DPP4: variants seen among roughly 807,000 people sequenced by gnomAD.
DPP4 encodes the protein dipeptidyl peptidase 4.
A neutral mutation model predicts 122.4 loss-of-function variants in DPP4; 93 were observed. That is an observed-to-expected ratio of 0.76 (90% CI 0.64 to 0.90). DPP4 has a LOEUF of 0.90. Ranked by LOEUF, DPP4 falls within the 40% of genes least tolerant of loss-of-function variation. The pLI is 0.00. For missense variants in DPP4, 914 were observed against 907.3 expected (o/e 1.01, Z -0.09); for synonymous variants, 321 against 302.9 (o/e 1.06, Z -0.62).
intron 5 of DPP4, 110 bp downstream of exon 5, chr2:162,045,422 T>TATTAC: frequency 1.3e-6 from 1 of 765,512 alleles, no homozygotes. Context: ...TTTTAGTGCC[T>TATTAC]ATTACATTAC....
chr2:162,030,153 T>C (rs939921486), intron 10 of DPP4, among the ~76,000 whole-genome samples: 2 of 152,244 alleles, frequency 1.3e-5, no homozygotes, highest in Non-Finnish European at 2.9e-5. Flanking sequence ...TGATTTTACA[T>C]TATGTGCTGT....
At chr2:162,009,831 C>A (rs990381138) in intron 20 of DPP4, among the ~76,000 whole-genome samples, 1 of 152,048 alleles carries the variant, frequency 6.6e-6, no homozygotes, top group African/African-American at 2.4e-5. Context: ...CAGTACCGTG[C>A]ACTCAATAGA....
Position 162,033,566 on chromosome 2 carries a change from T to C in DPP4, c.862A>G (p.Thr288Ala). The change falls in exon 10 of 26, where the codon ACT becomes GCT. Residue 288 changes from threonine (T) to alanine (A), a missense_variant. Physicochemically the swap from Thr to Ala is moderately conservative, Grantham distance 58. Transcript: ENST00000360534. ...SVTNATSIQI[T>A]APASMLIGDH... ...CCTATCAACATAGAAGCAGGAGCAG[T>C]GATTTGTATGGAAGTTGCATTGGTG... 1 of 1,613,018 alleles carries C rather than the reference T, an allele frequency of 6.2e-7. No homozygotes were observed. Among genetic ancestry groups the C allele is most frequent in the Non-Finnish European group, 8.5e-7 (1 of 1,179,468 alleles).
intron 5 of DPP4, among the ~76,000 whole-genome samples, chr2:162,039,639 GC>G (rs1406680889): frequency 6.6e-6 from 1 of 151,988 alleles, no homozygotes; most frequent in East Asian, 1.9e-4. Flanking sequence ...GTTTTTGGAA[GC>G]CCCCTGGCAA....
chr2:162,056,038 TG>T (rs1310306684), intron 2 of DPP4, among the ~76,000 whole-genome samples: 2 of 152,162 alleles, frequency 1.3e-5, no homozygotes, highest in Admixed American at 1.3e-4. Context: ...CCCCCAGATA[TG>T]GCCAGTGCTT....
rs373544542 is a variant in DPP4, at chr2:162,054,362, ACT to A, written c.95-6863_95-6862del. On this transcript the variant is annotated intron_variant, in intron 2 of 25. Transcript: ENST00000360534. The stretch of plus-strand genomic sequence containing the variant: ...TTAGGTAAAAACTAATTTAGATGAG[ACT>A]CTGGCCTCTAGCCTTCTGAGTTGAT... Among the ~76,000 whole-genome samples the A allele has an allele frequency of 1.8e-4, 28 of 152,250 alleles. No homozygotes were observed. The East Asian group carries it at 3.3e-3, about 18-fold the overall frequency.
At chr2:161,993,434 T>TA (rs397977835) in intron 25 of DPP4, 50 bp from the exon 26 acceptor site, 65,247 of 1,021,026 alleles carry the variant, frequency 0.064, 1,463 homozygotes, top group African/African-American at 0.2. Flanking sequence ...GTACTCTTCT[T>TA]AAAAAAAAAA....
At chr2:162,019,046 C>T (rs751322244) in intron 15 of DPP4, among the ~76,000 whole-genome samples, 177 bp downstream of exon 15, 4 of 151,324 alleles carry the variant, frequency 2.6e-5, no homozygotes, top group Non-Finnish European at 5.9e-5. Context: ...TATCACAAAA[C>T]ATCGAATAAA....
chr2:162,019,072 G>A, intron 15 of DPP4, 151 bp downstream of exon 15: 1 of 907,598 alleles, frequency 1.1e-6, no homozygotes, highest in East Asian at 2.4e-5. Context: ...TCTCTCTTGT[G>A]GACATGTAGA....
intron 12 of DPP4, chr2:162,021,605 C>G (rs1683130911): frequency 6.6e-6 from 1 of 152,290 alleles, no homozygotes; most frequent in Non-Finnish European, 1.5e-5. Flanking sequence ...ATTTATGGAG[C>G]AAGCTGAGGC....
In DPP4 at chr2:162,046,802, T is replaced by C. The variant is rs545467143; in HGVS notation, c.285+113A>G. The C allele has an allele frequency of 1.5e-3, 1,158 of 755,050 alleles. 21 individuals carry two copies. In the South Asian group the frequency reaches 0.016, roughly 10 times the overall value. The allele number at this position is 755,050 out of a possible 1,614,324, so 46.8% of individuals were successfully genotyped here. On this transcript the variant is annotated intron_variant, in intron 4 of 25. Transcript: ENST00000360534. ...AAGGAGAGAAAGATCCACTTTGCCA[T>C]ATGCTGCAGAAAGAGTCCAACAGGT...
chr2:162,045,510 A>C, intron 5 of DPP4, 22 bp downstream of exon 5: 1 of 1,533,920 alleles, frequency 6.5e-7, no homozygotes, highest in Middle Eastern at 1.7e-4. Context: ...TAAATGTTAC[A>C]GTAAGAAAGC....
Position 162,038,407 on chromosome 2 carries a change from TG to T in DPP4, c.507del (p.Asn169LysfsTer25). Reference sequence around the variant, plus strand: ...GGTTCAATTTTAACATAAATGTCATTGTTCCAAACATATGCCTAGAAGGAAA... The same window carrying T: ...GGTTCAATTTTAACATAAATGTCATTTTCCAAACATATGCCTAGAAGGAAA... ...PVGHKLAYVW[N>X]NDIYVKIEPN... On this transcript the variant is annotated frameshift_variant, in exon 8 of 26. Coordinates refer to ENST00000360534, the MANE Select transcript of DPP4 (RefSeq NM_001935.4). LOFTEE classifies it high-confidence loss of function. 2.5e-6 allele frequency: 4 copies of T among 1,603,874 alleles called. No individual in the cohort carries two copies. Among genetic ancestry groups the T allele is most frequent in the Non-Finnish European group, 3.4e-6 (4 of 1,175,946 alleles).
chr2:162,035,655 G>A (rs1683741559), intron 8 of DPP4, among the ~76,000 whole-genome samples: 1 of 152,042 alleles, frequency 6.6e-6, no homozygotes, highest in Non-Finnish European at 1.5e-5. Flanking sequence ...TTTCACACAG[G>A]AGGCTGATTC....
At chr2:162,033,862 G>GTATCTATATATATATA (rs1553665299) in intron 9 of DPP4, among the ~76,000 whole-genome samples, 1 of 104,026 alleles carries the variant, frequency 9.6e-6, no homozygotes. Context: ...CAGAATATGT[G>GTATCTATATATATATA]TATATATATA....
intron 12 of DPP4, 64 bp from the exon 13 acceptor site, chr2:162,020,752 GT>G: frequency 8.4e-7 from 1 of 1,193,082 alleles, no homozygotes; most frequent in Non-Finnish European, 1.2e-6. Flanking sequence ...ACCAACTTTA[GT>G]TTTAGAAAGT....
At chr2:162,055,053 T>A (rs193230167) in intron 2 of DPP4, among the ~76,000 whole-genome samples, 1 of 152,286 alleles carries the variant, frequency 6.6e-6, no homozygotes, top group Admixed American at 6.5e-5. Flanking sequence ...AACGGTGAGA[T>A]TAAGAATTTA....
intron 5 of DPP4, among the ~76,000 whole-genome samples, chr2:162,043,763 C>A (rs933452795): frequency 6.6e-6 from 1 of 152,200 alleles, no homozygotes; most frequent in Non-Finnish European, 1.5e-5. Context: ...CACAGTGGCT[C>A]ATGCCTGTAA....
At chr2:162,009,878 T>C (rs1424389726) in intron 20 of DPP4, among the ~76,000 whole-genome samples, 1 of 152,164 alleles carries the variant, frequency 6.6e-6, no homozygotes, top group African/African-American at 2.4e-5. Flanking sequence ...AAGTCTTCTT[T>C]GCCACAAAAC....
Sources: allele counts gnomAD v4.1 joint callset (sites outside exome capture counted in the v4.1 genomes callset), GRCh38; gene constraint gnomAD v4.1.1; transcripts MANE v1.5; gene names NCBI Gene and HGNC (gene_info 2026-07-23, HGNC 2026-07-21).